The following SUMF1 variants were observed in gnomAD, a reference collection of about 807,000 sequenced individuals.
SUMF1 encodes formylglycine-generating enzyme.
In SUMF1, 48 loss-of-function variants were observed where a neutral mutation model predicts 47.6. That is an observed-to-expected ratio of 1.01 (90% CI 0.80 to 1.28). The LOEUF (loss-of-function observed/expected upper bound fraction) is 1.28. Among genes scored for constraint, SUMF1 ranks in the 50% most tolerant of loss-of-function variants. The pLI is 0.00. For synonymous variants in SUMF1, 230 were observed against 192.1 expected, an observed-to-expected ratio of 1.20 and a Z score of -1.63; for missense variants, 571 against 485.4, an observed-to-expected ratio of 1.18 and a Z score of -1.66.
At chr3:4,267,868 C>T (rs1697228292) in intron 8 of SUMF1, among the ~76,000 whole-genome samples, 1 of 149,272 alleles carries the variant, frequency 6.7e-6, no homozygotes, top group Admixed American at 6.7e-5. Context: ...CCATTTGACC[C>T]AGCCATCCCA....
intron 8 of SUMF1, among the ~76,000 whole-genome samples, chr3:4,252,362 A>G (rs1425381246): frequency 1.5e-5 from 2 of 137,128 alleles, no homozygotes; most frequent in Non-Finnish European, 3.4e-5. Flanking sequence ...GCACACACAC[A>G]CACACACACA....
chr3:4,374,938 G>A (rs1023499716), intron 8 of SUMF1, among the ~76,000 whole-genome samples: 3 of 152,018 alleles, frequency 2.0e-5, no homozygotes, highest in African/African-American at 7.2e-5. Flanking sequence ...AAGGCAGGAA[G>A]AATTTCCTGA....
intron 9 of SUMF1, among the ~76,000 whole-genome samples, chr3:4,049,733 G>T (rs1695071673): frequency 6.6e-6 from 1 of 152,126 alleles, no homozygotes; most frequent in East Asian, 1.9e-4. Context: ...CTGTTAACCA[G>T]CTCAGTGAAT....
At chr3:4,179,098 T>C (rs1695035408) in intron 8 of SUMF1, among the ~76,000 whole-genome samples, 1 of 152,138 alleles carries the variant, frequency 6.6e-6, no homozygotes, top group Non-Finnish European at 1.5e-5. Context: ...ATCAATATCA[T>C]GAAAACACTG....
chr3:4,180,713 C>A (rs1461253645), intron 8 of SUMF1, among the ~76,000 whole-genome samples: 1 of 151,832 alleles, frequency 6.6e-6, no homozygotes, highest in Non-Finnish European at 1.5e-5. Flanking sequence ...ATTAGCCAGG[C>A]ATGGTGGCGC....
chr3:4,119,662 A>AT (rs1171824672), intron 8 of SUMF1, among the ~76,000 whole-genome samples: 10 of 152,086 alleles, frequency 6.6e-5, no homozygotes, highest in Non-Finnish European at 1.3e-4. Context: ...CTCCTGCAGC[A>AT]TTGTGAGTCA....
chr3:4,311,624 A>G (rs1013179460), intron 8 of SUMF1, among the ~76,000 whole-genome samples: 1 of 152,226 alleles, frequency 6.6e-6, no homozygotes, highest in African/African-American at 2.4e-5. Context: ...CAAGCTATGT[A>G]TCTAATCATA....
At chr3:4,285,636 G>A (rs1166034825) in intron 8 of SUMF1, among the ~76,000 whole-genome samples, 2 of 152,190 alleles carry the variant, frequency 1.3e-5, no homozygotes, top group Non-Finnish European at 2.9e-5. Context: ...GTATAGGTAT[G>A]TAATAGATTA....
chr3:4,164,252 G>A (rs1206673548), intron 8 of SUMF1, among the ~76,000 whole-genome samples: 1 of 152,154 alleles, frequency 6.6e-6, no homozygotes, highest in Non-Finnish European at 1.5e-5. Flanking sequence ...GGACCTTGAG[G>A]ACAGCTGTCC....
intron 4 of SUMF1, among the ~76,000 whole-genome samples, chr3:4,419,253 A>G (rs962720613): frequency 6.6e-6 from 1 of 152,176 alleles, no homozygotes; most frequent in East Asian, 1.9e-4. Flanking sequence ...TCCACCTCGA[A>G]GCCTAATTGC....
chr3:4,227,503 C>T (rs778014912), intron 8 of SUMF1, among the ~76,000 whole-genome samples: 2 of 152,120 alleles, frequency 1.3e-5, no homozygotes, highest in Non-Finnish European at 2.9e-5. Context: ...TGTTCCTCCC[C>T]GCCGGACTTC....
chr3:4,370,303 C>A (rs1366264388), intron 8 of SUMF1, among the ~76,000 whole-genome samples: 3 of 152,104 alleles, frequency 2.0e-5, no homozygotes, highest in Non-Finnish European at 2.9e-5. Context: ...AGGTATTAGC[C>A]AGCTTCTAAG....
chr3:4,222,778 C>G (rs112474437), intron 8 of SUMF1, among the ~76,000 whole-genome samples: 1 of 152,190 alleles, frequency 6.6e-6, no homozygotes, highest in South Asian at 2.1e-4. Context: ...CACAGGATTC[C>G]TGAGTCATTG....
intron 2 of SUMF1, 137 bp downstream of exon 2, chr3:4,452,739 A>G: frequency 1.8e-6 from 2 of 1,084,980 alleles, no homozygotes; most frequent in Admixed American, 1.8e-5. Context: ...TTAAGATGAA[A>G]TATATACAAT....
rs373828142 is a variant in SUMF1, at chr3:4,457,058, G to GTATA, written c.271-4013_271-4010dup. Among the ~76,000 whole-genome samples, 377 of 86,082 alleles carry GTATA rather than the reference G, an allele frequency of 4.4e-3. 13 individuals carry two copies. Among genetic ancestry groups the GTATA allele is most frequent in the African/African-American group, 0.012 (358 of 30,078 alleles). The allele number at this position is 86,082 out of a possible 152,430, so 56.5% of individuals were successfully genotyped here. A position where few individuals can be genotyped will look rare whatever the true frequency, so the allele number is the denominator to read the frequency against. On this transcript the variant is annotated intron_variant, in intron 1 of 8. Transcript: ENST00000272902. ...TGTGTGTATATATATATACGTGTGT[G>GTATA]TATATATATATATATACGTGTGTGT...
At chr3:4,120,612 G>T (rs78895943) in intron 8 of SUMF1, among the ~76,000 whole-genome samples, 4,438 of 152,142 alleles carry the variant, frequency 0.029, 229 homozygotes, top group African/African-American at 0.1. Context: ...GCCTAAGAAG[G>T]AAAGGGTCCC....
intron 4 of SUMF1, among the ~76,000 whole-genome samples, chr3:4,419,468 C>T (rs147309853): frequency 6.6e-6 from 1 of 152,302 alleles, no homozygotes; most frequent in East Asian, 1.9e-4. Context: ...ATGCTGAGTC[C>T]TAACCCAAAC....
At chr3:4,140,739 G>C (rs1694052027) in intron 8 of SUMF1, among the ~76,000 whole-genome samples, 1 of 151,814 alleles carries the variant, frequency 6.6e-6, no homozygotes. Flanking sequence ...ATAATATTTA[G>C]TTTTGTTGTC....
chr3:4,088,249 T>C (rs1692712664), intron 8 of SUMF1, among the ~76,000 whole-genome samples: 1 of 152,090 alleles, frequency 6.6e-6, no homozygotes. Flanking sequence ...CATACTCAGG[T>C]AAGACCAGTC....
Sources: gnomAD v4.1 joint callset for allele counts (sites outside exome capture counted in the v4.1 genomes callset) on GRCh38, gnomAD v4.1.1 for gene constraint, MANE v1.5 for transcripts, NCBI Gene and HGNC (gene_info 2026-07-23, HGNC 2026-07-21) for gene names.